FAM227B: variants seen among roughly 807,000 people sequenced by gnomAD.
FAM227B encodes the protein protein FAM227B.
Under a neutral mutation model 73.8 loss-of-function variants are expected in FAM227B, and 88 were observed. That is an observed-to-expected ratio of 1.19 (90% CI 1.00 to 1.42). FAM227B has a LOEUF of 1.42. Ranked by LOEUF, FAM227B falls within the 40% of genes most tolerant of loss-of-function variation. FAM227B has a pLI of 0.00. For missense variants in FAM227B, 632 were observed against 590.9 expected (o/e 1.07, Z -0.72); for synonymous variants, 210 against 190.5 (o/e 1.10, Z -0.84).
chr15:49,482,305 T>C (rs1371091339), intron 11 of FAM227B, among the ~76,000 whole-genome samples: 1 of 152,104 alleles, frequency 6.6e-6, no homozygotes, highest in Non-Finnish European at 1.5e-5. Flanking sequence ...TAAAGGAAAA[T>C]AGTAAGTTAC....
At chr15:49,337,553 T>C (rs986090502) in intron 13 of FAM227B, among the ~76,000 whole-genome samples, 1 of 147,530 alleles carries the variant, frequency 6.8e-6, no homozygotes, top group African/African-American at 2.5e-5. Context: ...TACTTTAAGT[T>C]CTGGGATACA....
intron 11 of FAM227B, among the ~76,000 whole-genome samples, chr15:49,480,393 T>C (rs143682116): frequency 0.011 from 1,616 of 151,842 alleles, 33 homozygotes; most frequent in African/African-American, 0.034. Context: ...TTGCAACCTC[T>C]GCCTCCCAAG....
intron 9 of FAM227B, among the ~76,000 whole-genome samples, chr15:49,542,580 C>T (rs1486493883): frequency 6.6e-6 from 1 of 151,584 alleles, no homozygotes; most frequent in African/African-American, 2.4e-5. Flanking sequence ...ATAAGTGAGA[C>T]CATATGATGT....
chr15:49,447,832 G>A (rs750985899), intron 11 of FAM227B, among the ~76,000 whole-genome samples: 2 of 151,668 alleles, frequency 1.3e-5, no homozygotes, highest in Non-Finnish European at 3.0e-5. Flanking sequence ...TAAAATCCAA[G>A]ATTCACAGAA....
chr15:49,371,250 T>C, intron 12 of FAM227B, 52 bp downstream of exon 12: 1 of 1,069,826 alleles, frequency 9.3e-7, no homozygotes, highest in East Asian at 2.4e-5. Flanking sequence ...ATTGCAAATA[T>C]ATTGCAAATT....
At chr15:49,557,936 C>T (rs953892892) in intron 9 of FAM227B, among the ~76,000 whole-genome samples, 3 of 152,166 alleles carry the variant, frequency 2.0e-5, no homozygotes. Flanking sequence ...GCCAGACTGC[C>T]CCACTGCTCC....
chr15:49,464,639 A>C (rs987373329), intron 11 of FAM227B, among the ~76,000 whole-genome samples: 2 of 152,224 alleles, frequency 1.3e-5, no homozygotes, highest in African/African-American at 2.4e-5. Flanking sequence ...TCTTGCAAAA[A>C]TGACACCAAT....
chr15:49,541,114 G>A (rs893606438), intron 10 of FAM227B, among the ~76,000 whole-genome samples: 2 of 152,028 alleles, frequency 1.3e-5, no homozygotes, highest in Non-Finnish European at 2.9e-5. Flanking sequence ...AAAAAATGCT[G>A]GGAGGTCATT....
chr15:49,525,784 C>T (rs1223600874), intron 10 of FAM227B, among the ~76,000 whole-genome samples: 1 of 109,356 alleles, frequency 9.1e-6, no homozygotes, highest in African/African-American at 3.9e-5. Context: ...GACTTTAAAA[C>T]AACAATGGTA....
At chr15:49,337,989 G>A (rs867504739) in intron 13 of FAM227B, among the ~76,000 whole-genome samples, 3 of 152,142 alleles carry the variant, frequency 2.0e-5, no homozygotes, top group Non-Finnish European at 4.4e-5. Flanking sequence ...CTTTATAGTA[G>A]AATGATTTAT....
rs530923675 is a variant in FAM227B, at chr15:49,452,522, T to A, written c.1012+55689A>T. Among the ~76,000 whole-genome samples, 138 of 152,320 alleles carry A rather than the reference T, an allele frequency of 9.1e-4. 5 individuals are homozygous for A. In the South Asian group the frequency reaches 0.027, roughly 30 times the overall value. Reference sequence around the variant, plus strand: ...CTGGATGTTATTTTCTGGTTCTTCATAAAAAGATCTATGCAGATTTTTTAA... The same window carrying A: ...CTGGATGTTATTTTCTGGTTCTTCAAAAAAAGATCTATGCAGATTTTTTAA... On this transcript the variant is annotated intron_variant, in intron 11 of 15. Transcript: ENST00000299338.
chr15:49,619,911 C>T (rs74012441), intron 1 of FAM227B, among the ~76,000 whole-genome samples: 11,628 of 152,220 alleles, frequency 0.076, 1,237 homozygotes, highest in African/African-American at 0.24. Flanking sequence ...CACACATACA[C>T]GCATATATAC....
chr15:49,584,401 C>T (rs2076015761), intron 5 of FAM227B, among the ~76,000 whole-genome samples: 1 of 152,238 alleles, frequency 6.6e-6, no homozygotes, highest in South Asian at 2.1e-4. Context: ...AACTTACAGC[C>T]AATGTCATAA....
chr15:49,421,168 C>T (rs1001406363), intron 11 of FAM227B, among the ~76,000 whole-genome samples: 1 of 152,188 alleles, frequency 6.6e-6, no homozygotes, highest in Non-Finnish European at 1.5e-5. Context: ...CTTAAAACAT[C>T]CAGAGGGTTA....
chr15:49,448,858 T>C (rs1431777821), intron 11 of FAM227B, among the ~76,000 whole-genome samples: 3 of 151,852 alleles, frequency 2.0e-5, no homozygotes, highest in African/African-American at 4.8e-5. Context: ...CAATTTTCTT[T>C]AGCAGTCGAT....
At chr15:49,394,548 A>G (rs531703106) in intron 11 of FAM227B, among the ~76,000 whole-genome samples, 57 of 152,304 alleles carry the variant, frequency 3.7e-4, no homozygotes, top group African/African-American at 1.3e-3. Context: ...TATAATTATG[A>G]ATTTAAAATG....
At chr15:49,435,336 T>C (rs1330001435) in intron 11 of FAM227B, among the ~76,000 whole-genome samples, 1 of 151,570 alleles carries the variant, frequency 6.6e-6, no homozygotes. Context: ...GACAAAATTA[T>C]GAAGGTTATC....
chr15:49,524,585 C>G (rs1257884100), intron 10 of FAM227B, among the ~76,000 whole-genome samples: 1 of 152,222 alleles, frequency 6.6e-6, no homozygotes, highest in African/African-American at 2.4e-5. Flanking sequence ...CCTAGTGGAT[C>G]TGTGAGAAGA....
At chr15:49,396,512 G>A (rs1479874065) in intron 11 of FAM227B, 5 of 165,772 alleles carry the variant, frequency 3.0e-5, no homozygotes, top group African/African-American at 9.6e-5. Flanking sequence ...AAGGAGGCCT[G>A]CCTGCCTCTG....
Sources: gnomAD v4.1 joint callset for allele counts (sites outside exome capture counted in the v4.1 genomes callset) on GRCh38, gnomAD v4.1.1 for gene constraint, MANE v1.5 for transcripts, NCBI Gene and HGNC (gene_info 2026-07-23, HGNC 2026-07-21) for gene names.